MAP4K4: variants seen among roughly 807,000 people sequenced by gnomAD.
MAP4K4 encodes the protein HPK/GCK-like kinase HGK.
In MAP4K4, 38 loss-of-function variants were observed where a neutral mutation model predicts 189.6. The observed-to-expected ratio is 0.20, with a 90% confidence interval of 0.15 to 0.26. The LOEUF (loss-of-function observed/expected upper bound fraction) is 0.26, where lower values mean the gene tolerates loss of function less well. Among genes scored for constraint, MAP4K4 ranks in the 10% least tolerant of loss-of-function variants. The pLI is 1.00. For missense variants in MAP4K4, 1,054 were observed against 1,726.9 expected (o/e 0.61, Z 6.91); for synonymous variants, 610 against 624.3 (o/e 0.98, Z 0.34).
intron 2 of MAP4K4, among the ~76,000 whole-genome samples, chr2:101,781,110 C>G (rs2087130377): frequency 6.6e-6 from 1 of 152,156 alleles, no homozygotes; most frequent in Non-Finnish European, 1.5e-5. Flanking sequence ...TGCCAGTGCC[C>G]TTTGACTGTT....
At chr2:101,700,360 T>A (rs764845816) in intron 2 of MAP4K4, among the ~76,000 whole-genome samples, 1 of 152,354 alleles carries the variant, frequency 6.6e-6, no homozygotes, top group Non-Finnish European at 1.5e-5. Flanking sequence ...GAGCGCTAGC[T>A]ACGTTTGGTA....
intron 2 of MAP4K4, among the ~76,000 whole-genome samples, chr2:101,767,703 T>C (rs555395181): frequency 2.6e-5 from 4 of 152,322 alleles, no homozygotes; most frequent in Admixed American, 6.5e-5. Context: ...CACTGCTGGC[T>C]CCAGACTGAT....
intron 3 of MAP4K4, among the ~76,000 whole-genome samples, chr2:101,794,154 G>A (rs2093369949): frequency 6.6e-6 from 1 of 152,090 alleles, no homozygotes; most frequent in Non-Finnish European, 1.5e-5. Flanking sequence ...CAAAGTGGAT[G>A]GTATTAGGAT....
chr2:101,884,755 CTT>C (rs1297291646), intron 28 of MAP4K4, among the ~76,000 whole-genome samples: 1 of 152,054 alleles, frequency 6.6e-6, no homozygotes, highest in African/African-American at 2.4e-5. Context: ...TAGTATAAGC[CTT>C]TTTTCTTCCT....
At chr2:101,731,525 A>G (rs935892771) in intron 2 of MAP4K4, among the ~76,000 whole-genome samples, 3 of 152,160 alleles carry the variant, frequency 2.0e-5, no homozygotes, top group Admixed American at 6.5e-5. Flanking sequence ...TTGGGAGGCC[A>G]AGGTGGGCAG....
chr2:101,746,800 G>A (rs1339412903), intron 2 of MAP4K4, among the ~76,000 whole-genome samples: 1 of 152,036 alleles, frequency 6.6e-6, no homozygotes, highest in Non-Finnish European at 1.5e-5. Context: ...CTTGACTTAG[G>A]TAGGTAGGTT....
intron 2 of MAP4K4, 45 bp downstream of exon 2, chr2:101,698,583 T>C: frequency 6.4e-7 from 1 of 1,570,916 alleles, no homozygotes; most frequent in East Asian, 2.2e-5. Context: ...TGTGGAAACT[T>C]CTTATTGGGG....
At chr2:101,858,893 T>C in intron 13 of MAP4K4, 103 bp from the exon 14 acceptor site, 1 of 746,386 alleles carries the variant, frequency 1.3e-6, no homozygotes, top group Admixed American at 2.4e-5. Flanking sequence ...AAGTGAATTG[T>C]CACTAAAGGT....
chr2:101,755,523 T>C (rs78497680), intron 2 of MAP4K4, among the ~76,000 whole-genome samples: 3,398 of 152,316 alleles, frequency 0.022, 56 homozygotes, highest in Non-Finnish European at 0.037. Flanking sequence ...AGTGATACTC[T>C]GAGTATCATC....
chr2:101,785,971 G>A (rs891091502), intron 2 of MAP4K4, among the ~76,000 whole-genome samples: 1 of 151,942 alleles, frequency 6.6e-6, no homozygotes, highest in East Asian at 1.9e-4. Context: ...GATTATAGGC[G>A]CCCGCCACCA....
chr2:101,860,017 G>A (rs1014308764), intron 15 of MAP4K4, 153 bp downstream of exon 15: 1 of 807,892 alleles, frequency 1.2e-6, no homozygotes, highest in African/African-American at 1.7e-5. Flanking sequence ...TTTCAGAGGA[G>A]TGGAGGGCCT....
intron 18 of MAP4K4, among the ~76,000 whole-genome samples, chr2:101,865,962 G>T (rs1390096645): frequency 1.3e-5 from 2 of 152,220 alleles, no homozygotes; most frequent in East Asian, 3.8e-4. Context: ...CCCAGCTCAT[G>T]CTTTCTGTAC....
exon 23 of MAP4K4, chr2:101,870,379 G>A: frequency 6.2e-7 from 1 of 1,613,758 alleles, no homozygotes; most frequent in Non-Finnish European, 8.5e-7. Flanking sequence ...AGCCGGCCAT[G>A]ACCCCATCCA....
chr2:101,823,102 G>C (rs1401039058), intron 3 of MAP4K4, among the ~76,000 whole-genome samples: 2 of 152,122 alleles, frequency 1.3e-5, no homozygotes, highest in Non-Finnish European at 1.5e-5. Flanking sequence ...GTCTTCTCCA[G>C]GTTTATATGA....
intron 12 of MAP4K4, among the ~76,000 whole-genome samples, chr2:101,850,590 C>T (rs568413583): frequency 1.1e-4 from 16 of 152,240 alleles, no homozygotes; most frequent in Middle Eastern, 3.4e-3. Context: ...CACATGCTAC[C>T]TTTCTTAAAA....
At chr2:101,745,549 T>C (rs79628749) in intron 2 of MAP4K4, among the ~76,000 whole-genome samples, 10,033 of 152,040 alleles carry the variant, frequency 0.066, 413 homozygotes, top group African/African-American at 0.12. Context: ...CTTTTTCTTA[T>C]TGTATGTGTA....
intron 12 of MAP4K4, among the ~76,000 whole-genome samples, chr2:101,850,523 C>T (rs1225110506): frequency 6.6e-6 from 1 of 152,204 alleles, no homozygotes; most frequent in Non-Finnish European, 1.5e-5. Flanking sequence ...TCCTTTCCTA[C>T]AGAAAAGGTC....
intron 3 of MAP4K4, among the ~76,000 whole-genome samples, chr2:101,797,889 G>GTGTTTTTTTTTTTGTTTTTTTTTTT (rs1553478618): frequency 1.9e-5 from 1 of 52,304 alleles, no homozygotes; most frequent in Non-Finnish European, 3.3e-5. Flanking sequence ...CATTCTTTTA[G>GTGTTTTTTTTTTTGTTTTTTTTTTT]TTTTTTTTTT....
chr2:101,843,777 G>GTT (rs2096996995), intron 11 of MAP4K4, among the ~76,000 whole-genome samples: 1 of 152,146 alleles, frequency 6.6e-6, no homozygotes, highest in Admixed American at 6.6e-5. Context: ...AAAAAAAGTG[G>GTT]TTAAAGGACT....
Sources: allele counts gnomAD v4.1 joint callset (sites outside exome capture counted in the v4.1 genomes callset), GRCh38; gene constraint gnomAD v4.1.1; transcripts MANE v1.5; gene names NCBI Gene and HGNC (gene_info 2026-07-23, HGNC 2026-07-21).